The following ATXN1 variants were observed in gnomAD, a reference collection of about 807,000 sequenced individuals.
ATXN1 encodes the protein ataxin-1.
A neutral mutation model predicts 56.4 loss-of-function variants in ATXN1; 8 were observed. That is an observed-to-expected ratio of 0.14 (90% confidence interval 0.08 to 0.26). The LOEUF is 0.26. ATXN1 is among the 10% of genes least tolerant of loss of function. The probability of loss-of-function intolerance (pLI) is 1.00; values close to 1 mark genes in which losing one functional copy is unlikely to be tolerated. For missense variants in ATXN1, 987 were observed against 1,106.5 expected (o/e 0.89, Z 1.53); for synonymous variants, 514 against 494.6 (o/e 1.04, Z -0.52).
intron 4 of ATXN1, among the ~76,000 whole-genome samples, chr6:16,547,096 TC>T (rs1184839977): frequency 2.0e-5 from 3 of 152,176 alleles, no homozygotes; most frequent in Non-Finnish European, 4.4e-5. Flanking sequence ...ACTTGCCAAA[TC>T]CCTGACCGAA....
chr6:16,532,412 C>T (rs925179498), intron 4 of ATXN1, among the ~76,000 whole-genome samples: 1 of 152,136 alleles, frequency 6.6e-6, no homozygotes, highest in Non-Finnish European at 1.5e-5. Flanking sequence ...CTCTGCATTA[C>T]ATATGTGCAA....
At chr6:16,315,545 T>C (rs928654742) in intron 7 of ATXN1, among the ~76,000 whole-genome samples, 5 of 152,178 alleles carry the variant, frequency 3.3e-5, no homozygotes, top group Non-Finnish European at 5.9e-5. Flanking sequence ...GGGCACCTGC[T>C]ACTCTCTCCA....
chr6:16,706,411 G>A (rs1313783249), intron 2 of ATXN1, among the ~76,000 whole-genome samples: 1 of 152,170 alleles, frequency 6.6e-6, no homozygotes, highest in Non-Finnish European at 1.5e-5. Flanking sequence ...ACGAGAGGCA[G>A]AGAGAAAGAA....
chr6:16,676,636 T>G (rs1197469988), intron 2 of ATXN1, among the ~76,000 whole-genome samples: 2 of 152,202 alleles, frequency 1.3e-5, no homozygotes, highest in Non-Finnish European at 2.9e-5. Flanking sequence ...GAAAGCAGTC[T>G]GAGTGGTGGA....
rs1284259441 is a variant in ATXN1, at chr6:16,300,527, TGA to T, written c.*5800_*5801del. 1 of 152,314 alleles carries T rather than the reference TGA, an allele frequency of 6.6e-6. No individual in the cohort carries two copies. Among genetic ancestry groups the T allele is most frequent in the East Asian group, 1.9e-4 (1 of 5,206 alleles). 9.4% of individuals were successfully genotyped at this position (152,314 alleles called of 1,614,324 possible). A position where few individuals can be genotyped will look rare whatever the true frequency, so the allele number is the denominator to read the frequency against. ...TGATTTTTGGACAGGAATACTATTC[TGA>T]GAAGATGCTCCGTATTTATTCTGGC... On this transcript the variant is annotated 3_prime_UTR_variant, in exon 8 of 8. Coordinates refer to ENST00000436367, the MANE Select transcript of ATXN1 (RefSeq NM_001128164.2).
At position 16,328,147 on chromosome 6, in the gene ATXN1, T is replaced by G. The variant is rs756245803; in HGVS notation, c.164A>C (p.His55Pro). The G allele has an allele frequency of 1.3e-6, 2 of 1,582,572 alleles. No individual in the cohort carries two copies. Among genetic ancestry groups the G allele is most frequent in the South Asian group, 1.2e-5 (1 of 86,576 alleles). ...WLPGNPGGRG[H>P]GGGRHGPAGT... ...TGCCGGCCCATGCCTCCCGCCCCCG[T>G]GGCCCCGGCCACCAGGGTTGCCCGG... Residue 55 changes from histidine (H) to proline (P), a missense_variant, in exon 7 of 8, where the codon CAC becomes CCC. This residue lies in a region of ATXN1 where 723 missense variants were observed against 791.7 expected (regional missense o/e 0.91). Transcript: ENST00000436367. The surrounding 1 kb of genome is among the most constrained non-coding windows in gnomAD (Gnocchi z 6.2).
At chr6:16,386,157 C>A (rs1758237092) in intron 6 of ATXN1, among the ~76,000 whole-genome samples, 1 of 152,170 alleles carries the variant, frequency 6.6e-6, no homozygotes, top group Admixed American at 6.5e-5. Flanking sequence ...GCAAAGAAGC[C>A]ACAATTCAGG....
intron 5 of ATXN1, among the ~76,000 whole-genome samples, chr6:16,517,909 A>C (rs1761216084): frequency 6.6e-6 from 1 of 152,246 alleles, no homozygotes; most frequent in Non-Finnish European, 1.5e-5. Context: ...CAGGTAATTA[A>C]AGAGTGTGAG....
At chr6:16,484,049 G>C (rs1760491035) in intron 6 of ATXN1, among the ~76,000 whole-genome samples, 1 of 152,006 alleles carries the variant, frequency 6.6e-6, no homozygotes, top group African/African-American at 2.4e-5. Flanking sequence ...TTTACAATAA[G>C]GTTTTTTTTA....
chr6:16,741,250 C>CTA (rs1401851580), intron 2 of ATXN1, among the ~76,000 whole-genome samples: 1 of 152,156 alleles, frequency 6.6e-6, no homozygotes, highest in African/African-American at 2.4e-5. Context: ...CTGTGATGTG[C>CTA]TATTATCAGC....
chr6:16,680,136 T>G (rs529375072), intron 2 of ATXN1, among the ~76,000 whole-genome samples: 1 of 152,318 alleles, frequency 6.6e-6, no homozygotes, highest in South Asian at 2.1e-4. Flanking sequence ...ATACAGATAA[T>G]AAATTCTATC....
intron 3 of ATXN1, among the ~76,000 whole-genome samples, chr6:16,654,833 C>G (rs939028691): frequency 6.6e-6 from 1 of 152,136 alleles, no homozygotes; most frequent in African/African-American, 2.4e-5. Context: ...AGGAGAATCA[C>G]AAAACTAGCA....
intron 2 of ATXN1, among the ~76,000 whole-genome samples, chr6:16,697,790 C>T (rs1041541411): frequency 6.6e-6 from 1 of 152,152 alleles, no homozygotes; most frequent in Non-Finnish European, 1.5e-5. Flanking sequence ...GATTAAACAG[C>T]GTTACATAAG....
At chr6:16,458,090 G>T (rs528461983) in intron 6 of ATXN1, among the ~76,000 whole-genome samples, 1 of 152,306 alleles carries the variant, frequency 6.6e-6, no homozygotes, top group South Asian at 2.1e-4. Flanking sequence ...TGAAAAGAAT[G>T]CAGCTTTAGC....
chr6:16,464,028 CT>C (rs539760951), intron 6 of ATXN1, among the ~76,000 whole-genome samples: 18 of 152,188 alleles, frequency 1.2e-4, no homozygotes, highest in Non-Finnish European at 2.2e-4. Flanking sequence ...TTCTTCACCC[CT>C]ATCCAGCAGG....
At chr6:16,625,897 T>C (rs1034475405) in intron 3 of ATXN1, among the ~76,000 whole-genome samples, 4 of 152,186 alleles carry the variant, frequency 2.6e-5, no homozygotes, top group African/African-American at 4.8e-5. Flanking sequence ...TCTGATCCCC[T>C]TGAGTGGCAA....
intron 2 of ATXN1, among the ~76,000 whole-genome samples, chr6:16,694,077 T>C (rs1759104709): frequency 6.6e-6 from 1 of 152,196 alleles, no homozygotes. Flanking sequence ...TAGACTTTTG[T>C]TCTTGCTAAG....
At chr6:16,555,496 A>C (rs2113732902) in intron 4 of ATXN1, among the ~76,000 whole-genome samples, 1 of 152,242 alleles carries the variant, frequency 6.6e-6, no homozygotes, top group South Asian at 2.1e-4. Flanking sequence ...GTCAAACTCA[A>C]CACTAAGGCA....
chr6:16,427,172 T>C (rs769739177), intron 6 of ATXN1, among the ~76,000 whole-genome samples: 13 of 152,166 alleles, frequency 8.5e-5, no homozygotes, highest in Non-Finnish European at 1.2e-4. Flanking sequence ...ATTCGAATTG[T>C]TCTTTTAAGG....
Sources: gnomAD v4.1 joint callset for allele counts (sites outside exome capture counted in the v4.1 genomes callset) on GRCh38, gnomAD v4.1.1 for gene constraint, gnomAD v4.1.1 regional missense constraint, Gnocchi (gnomAD v3.1) non-coding constraint, MANE v1.5 for transcripts, NCBI Gene and HGNC (gene_info 2026-07-23, HGNC 2026-07-21) for gene names.